Variants in SPOCK3 observed in about 807,000 individuals in gnomAD.
The protein encoded by SPOCK3 is SPARC (osteonectin), cwcv and kazal like domains proteoglycan 3, also known as testican-3.
Under a neutral mutation model 56.6 loss-of-function variants are expected in SPOCK3, and 30 were observed. The ratio of observed to expected loss-of-function variants is 0.53; its 90% confidence interval spans 0.40 to 0.72. The LOEUF (loss-of-function observed/expected upper bound fraction) is 0.72, where lower values mean the gene tolerates loss of function less well. Ranked by LOEUF, SPOCK3 falls within the 30% of genes least tolerant of loss-of-function variation. The probability of loss-of-function intolerance (pLI) is 0.00; values close to 1 mark genes in which losing one functional copy is unlikely to be tolerated. For missense variants in SPOCK3, 527 were observed against 530.0 expected, an observed-to-expected ratio of 0.99 and a Z score of 0.06; for synonymous variants, 196 against 183.3, an observed-to-expected ratio of 1.07 and a Z score of -0.56.
intron 6 of SPOCK3, among the ~76,000 whole-genome samples, chr4:166,813,567 A>AATAGAT (rs35250460): frequency 0.18 from 28,054 of 151,864 alleles, 2,867 homozygotes; most frequent in African/African-American, 0.28. Flanking sequence ...AAATCAGAGT[A>AATAGAT]ATAATTACAT....
chr4:167,094,476 A>G (rs1580271593), intron 2 of SPOCK3, among the ~76,000 whole-genome samples: 1 of 152,014 alleles, frequency 6.6e-6, no homozygotes, highest in Non-Finnish European at 1.5e-5. Context: ...TCATACATCA[A>G]TCCATGTAAT....
At chr4:166,898,216 A>T (rs1411093794) in intron 5 of SPOCK3, among the ~76,000 whole-genome samples, 1 of 151,752 alleles carries the variant, frequency 6.6e-6, no homozygotes, top group African/African-American at 2.4e-5. Context: ...AAAAAAAAAT[A>T]TTTTTCATGT....
chr4:166,838,659 A>C (rs1746887590), intron 6 of SPOCK3, among the ~76,000 whole-genome samples: 1 of 147,496 alleles, frequency 6.8e-6, no homozygotes, highest in Non-Finnish European at 1.5e-5. Context: ...CTACATTAAA[A>C]TCCTTGTCAT....
At chr4:167,180,216 TA>T (rs1240506454) in intron 2 of SPOCK3, among the ~76,000 whole-genome samples, 5 of 152,000 alleles carry the variant, frequency 3.3e-5, no homozygotes, top group South Asian at 2.1e-4. Flanking sequence ...CTCAGGGTCT[TA>T]AAAAAACCCT....
At chr4:166,860,802 C>CATATATATATATATGTATATATAT (rs1553989682) in intron 6 of SPOCK3, among the ~76,000 whole-genome samples, 8 of 101,938 alleles carry the variant, frequency 7.8e-5, no homozygotes, top group Admixed American at 3.0e-4. Flanking sequence ...CACACAAATT[C>CATATATATATATATGTATATATAT]ATATATATAT....
intron 2 of SPOCK3, among the ~76,000 whole-genome samples, chr4:167,073,176 A>G (rs1184795956): frequency 1.3e-5 from 2 of 151,684 alleles, no homozygotes; most frequent in African/African-American, 4.8e-5. Context: ...AGTGTTCATA[A>G]TTCATAATTT....
intron 6 of SPOCK3, among the ~76,000 whole-genome samples, chr4:166,803,162 T>C (rs1477594774): frequency 6.6e-6 from 1 of 152,190 alleles, no homozygotes; most frequent in Admixed American, 6.5e-5. Flanking sequence ...TTTTAAGTGA[T>C]AAATTCTGAA....
chr4:166,933,383 C>T (rs1283340018), intron 4 of SPOCK3, among the ~76,000 whole-genome samples: 1 of 152,168 alleles, frequency 6.6e-6, no homozygotes, highest in African/African-American at 2.4e-5. Context: ...TCCCCTCACT[C>T]TGCTTTTCTG....
intron 3 of SPOCK3, among the ~76,000 whole-genome samples, chr4:167,035,053 T>A (rs961315445): frequency 1.3e-5 from 2 of 152,108 alleles, no homozygotes; most frequent in Non-Finnish European, 2.9e-5. Context: ...CAGTGTAGGT[T>A]TCAAAAACAA....
chr4:167,059,258 A>G (rs191309605), intron 3 of SPOCK3, among the ~76,000 whole-genome samples: 1 of 152,358 alleles, frequency 6.6e-6, no homozygotes, highest in African/African-American at 2.4e-5. Context: ...CTCTTCTGAC[A>G]AAGGGCTAAT....
intron 4 of SPOCK3, among the ~76,000 whole-genome samples, chr4:166,939,239 C>A (rs996179366): frequency 2.6e-5 from 4 of 152,152 alleles, no homozygotes; most frequent in African/African-American, 9.6e-5. Context: ...ATTGCAAAAA[C>A]TTACTTGGAG....
chr4:166,968,121 C>A (rs1744945121), intron 4 of SPOCK3, among the ~76,000 whole-genome samples: 1 of 152,152 alleles, frequency 6.6e-6, no homozygotes, highest in African/African-American at 2.4e-5. Flanking sequence ...CAAGAGGTGG[C>A]CTAGCTGCTT....
intron 2 of SPOCK3, among the ~76,000 whole-genome samples, chr4:167,087,997 A>T (rs910837407): frequency 1.3e-5 from 2 of 152,088 alleles, no homozygotes; most frequent in African/African-American, 4.8e-5. Context: ...CAATATACTG[A>T]CACTAAGAGA....
chr4:167,202,556 T>A (rs1443784643), intron 2 of SPOCK3, among the ~76,000 whole-genome samples: 1 of 151,978 alleles, frequency 6.6e-6, no homozygotes, highest in African/African-American at 2.4e-5. Context: ...CCACTTTAAA[T>A]AACCCAATTG....
chr4:166,770,097 C>T (rs1182966118), intron 7 of SPOCK3, among the ~76,000 whole-genome samples: 2 of 152,100 alleles, frequency 1.3e-5, no homozygotes, highest in Admixed American at 1.3e-4. Context: ...ACCCTTCCCT[C>T]TTCTAGGAAA....
At chr4:166,945,473 A>G (rs1181476126) in intron 4 of SPOCK3, among the ~76,000 whole-genome samples, 1 of 152,108 alleles carries the variant, frequency 6.6e-6, no homozygotes, top group Non-Finnish European at 1.5e-5. Flanking sequence ...TTCATATGTT[A>G]TCTGTTAGAC....
At chr4:167,074,900 T>A (rs905520978) in intron 2 of SPOCK3, among the ~76,000 whole-genome samples, 1 of 151,896 alleles carries the variant, frequency 6.6e-6, no homozygotes. Context: ...ATACATAGAG[T>A]ACGTACAATG....
intron 2 of SPOCK3, among the ~76,000 whole-genome samples, chr4:167,129,118 C>T (rs1245319248): frequency 3.9e-5 from 6 of 152,200 alleles, no homozygotes; most frequent in African/African-American, 1.2e-4. Flanking sequence ...TCTCAACGTA[C>T]TGCCTTTGAG....
chr4:166,966,832 T>G (rs760421702), intron 4 of SPOCK3, among the ~76,000 whole-genome samples: 1 of 152,176 alleles, frequency 6.6e-6, no homozygotes, highest in South Asian at 2.1e-4. Context: ...AAGGAGTTTA[T>G]AGATCACACT....
Sources: allele counts gnomAD v4.1 joint callset (sites outside exome capture counted in the v4.1 genomes callset), GRCh38; gene constraint gnomAD v4.1.1; transcripts MANE v1.5; gene names NCBI Gene and HGNC (gene_info 2026-07-23, HGNC 2026-07-21).